Variants in SPNS3 observed in about 807,000 individuals in gnomAD.
SPNS3 encodes SPNS lysolipid transporter 3, sphingosine-1-phosphate (putative), also known as protein spinster homolog 3.
In SPNS3, 51 loss-of-function variants were observed where a neutral mutation model predicts 54.4. The observed-to-expected ratio is 0.94, with a 90% CI of 0.75 to 1.18. The LOEUF (loss-of-function observed/expected upper bound fraction) is 1.18, where lower values mean the gene tolerates loss of function less well. SPNS3 is among the 50% of genes most tolerant of loss of function. The pLI is 0.00. For synonymous variants in SPNS3, 309 were observed against 294.7 expected (o/e 1.05, Z -0.50); for missense variants, 669 against 677.4 (o/e 0.99, Z 0.14).
intron 8 of SPNS3, among the ~76,000 whole-genome samples, chr17:4,477,759 A>C (rs1029401010): frequency 1.3e-5 from 2 of 152,082 alleles, no homozygotes; most frequent in East Asian, 3.9e-4. Context: ...TGGGTGTACC[A>C]GGCCTCGCCC....
rs750540559 is a variant in SPNS3, at chr17:4,448,313, C to G, written c.770+10C>G. ...GATACCTGGGGAAAAAGTGAGTATC[C>G]CTGCTACCCCCTGCAAGGCACAGAA... On this transcript the variant is annotated intron_variant, in intron 6 of 11. Transcript: ENST00000355530. 8 of 1,529,932 alleles carry G rather than the reference C, an allele frequency of 5.2e-6. No homozygotes were observed. Among genetic ancestry groups the G allele is most frequent in the Non-Finnish European group, 7.0e-6 (8 of 1,137,002 alleles). The allele number at this position is 1,529,932 out of a possible 1,614,324, so 94.8% of individuals were successfully genotyped here.
At chr17:4,439,150 C>T (rs1214523552) in intron 1 of SPNS3, among the ~76,000 whole-genome samples, 5 of 150,906 alleles carry the variant, frequency 3.3e-5, no homozygotes, top group East Asian at 3.9e-4. Context: ...TGAGATGGAG[C>T]GTGGCTCTTG....
intron 9 of SPNS3, among the ~76,000 whole-genome samples, chr17:4,480,341 T>G (rs1246419834): frequency 1.3e-5 from 2 of 152,152 alleles, no homozygotes; most frequent in African/African-American, 4.8e-5. Flanking sequence ...CCCGGTAGGG[T>G]GAGCAAGGCG....
In SPNS3 at chr17:4,441,072, C is replaced by T. The variant is rs576035780; in HGVS notation, c.265+1349C>T. 8.5e-5 allele frequency among the ~76,000 whole-genome samples: 13 copies of T among 152,242 alleles called. No homozygotes were observed. The South Asian group carries it at 2.1e-3, about 24-fold the overall frequency. On this transcript the variant is annotated intron_variant, in intron 2 of 11. Transcript: ENST00000355530. ...TTCCCATAAACTGAATAAACTCAACCCTGTAGCTCCAAGAGTTTGGATGAA... is the reference window on the plus strand; with the variant it reads ...TTCCCATAAACTGAATAAACTCAACTCTGTAGCTCCAAGAGTTTGGATGAA...
intron 8 of SPNS3, among the ~76,000 whole-genome samples, chr17:4,471,492 G>T (rs1286329415): frequency 6.6e-6 from 1 of 152,026 alleles, no homozygotes. Flanking sequence ...TTGAGACAGG[G>T]TCTTACTCTG....
At chr17:4,484,040 T>A (rs62064892) in intron 9 of SPNS3, among the ~76,000 whole-genome samples, 12,130 of 152,254 alleles carry the variant, frequency 0.08, 647 homozygotes, top group African/African-American at 0.16. Context: ...TTTCTGAATG[T>A]TCTATTACAA....
chr17:4,449,290 G>A lies in SPNS3; in HGVS notation c.826G>A (p.Ala276Thr), dbSNP rs1452392942. 4 of 1,612,596 alleles carry A rather than the reference G, an allele frequency of 2.5e-6. No individual in the cohort carries two copies. The Admixed American group carries it at 6.7e-5, about 27-fold the overall frequency. Residue 276 changes from alanine to threonine, a missense_variant, in exon 7 of 12, where the codon GCC (alanine) becomes ACC (threonine). Ala to Thr is a moderately conservative substitution (Grantham distance 58, BLOSUM62 0). Transcript: ENST00000355530. ...GACCGCCATGGCCTTTGTGACTGGA[G>A]CCCTGGGGTTCTGGGCCCCCAAGTT... is the stretch of plus-strand genomic sequence containing the variant. The part of the protein sequence containing the change: ...GVTAMAFVTG[A>T]LGFWAPKFLL...
intron 8 of SPNS3, among the ~76,000 whole-genome samples, chr17:4,466,526 C>T (rs1297090378): frequency 6.2e-5 from 6 of 97,492 alleles, no homozygotes; most frequent in Non-Finnish European, 7.7e-5. Context: ...GGTGACAGAA[C>T]GAGACTCTGT....
intron 8 of SPNS3, among the ~76,000 whole-genome samples, chr17:4,457,940 G>A (rs967442136): frequency 1.3e-5 from 2 of 152,140 alleles, no homozygotes; most frequent in Non-Finnish European, 2.9e-5. Context: ...AAGCTGCTGG[G>A]TCTGGCATGG....
intron 6 of SPNS3, among the ~76,000 whole-genome samples, chr17:4,448,968 G>A (rs1317200870): frequency 6.6e-6 from 1 of 152,062 alleles, no homozygotes; most frequent in African/African-American, 2.4e-5. Context: ...GAGTTGGGGG[G>A]GTCTCAGAAA....
At chr17:4,469,482 G>A (rs1971797507) in intron 8 of SPNS3, among the ~76,000 whole-genome samples, 1 of 152,140 alleles carries the variant, frequency 6.6e-6, no homozygotes, top group Non-Finnish European at 1.5e-5. Flanking sequence ...AGCCGAGGGT[G>A]ACGGTGGGTG....
rs1971215946 is a variant in SPNS3, at chr17:4,453,206, G to A, written c.1113+1G>A. The A allele has an allele frequency of 6.8e-6, 11 of 1,611,062 alleles. No homozygotes were observed. The highest frequency in any genetic ancestry group is 9.3e-6 in the Non-Finnish European group (11 of 1,178,762). ...CCCGACCACCCTGCTGGCCTCCTAT[G>A]TAAGTGAGAGCCTCTATGGAGGTGG... On this transcript the variant is annotated splice_donor_variant, in intron 8 of 11. Transcript: ENST00000355530. LOFTEE classifies it high-confidence loss of function.
chr17:4,452,548 G>A (rs926702316), intron 7 of SPNS3, among the ~76,000 whole-genome samples: 7 of 152,098 alleles, frequency 4.6e-5, no homozygotes, highest in Non-Finnish European at 7.4e-5. Flanking sequence ...GCCCAGACAA[G>A]GGCCAGGTGT....
intron 8 of SPNS3, among the ~76,000 whole-genome samples, chr17:4,461,651 C>T (rs1347141587): frequency 6.6e-6 from 1 of 151,992 alleles, no homozygotes; most frequent in Non-Finnish European, 1.5e-5. Flanking sequence ...TTGTGAGAGG[C>T]AGTTGGATTA....
Position 4,468,733 on chromosome 17 carries a change from C to CTTTCTTTCTTTT in SPNS3, c.1114-9828_1114-9827insTTTTCTTTCTTT, listed in dbSNP as rs1376353187. 1.4e-5 allele frequency among the ~76,000 whole-genome samples: 2 copies of CTTTCTTTCTTTT among 139,558 alleles called. 1 individual carries two copies. Among genetic ancestry groups the CTTTCTTTCTTTT allele is most frequent in the Admixed American group, 1.5e-4 (2 of 13,756 alleles). 91.6% of individuals were successfully genotyped at this position (139,558 alleles called of 152,430 possible). On this transcript the variant is annotated intron_variant, in intron 8 of 11. Transcript: ENST00000355530. ...CTCTCTCTCTTTCTTTTCTTTCTTT[C>CTTTCTTTCTTTT]TTTCTTTCTTTCTTTCTTTCTTTCT...
At chr17:4,440,469 G>T (rs1567553019) in intron 2 of SPNS3, among the ~76,000 whole-genome samples, 2 of 152,142 alleles carry the variant, frequency 1.3e-5, no homozygotes, top group Admixed American at 6.6e-5. Flanking sequence ...GATCCCTGGG[G>T]ATACACAGTC....
chr17:4,480,011 T>C (rs561792470), intron 9 of SPNS3, among the ~76,000 whole-genome samples: 6 of 152,244 alleles, frequency 3.9e-5, no homozygotes, highest in Non-Finnish European at 5.9e-5. Flanking sequence ...TTGAAAGGGT[T>C]ATGGGCATGT....
At position 4,475,018 on chromosome 17, in the gene SPNS3, C is replaced by T. The variant is rs137906711; in HGVS notation, c.1114-3554C>T. On this transcript the variant is annotated intron_variant, in intron 8 of 11. Transcript: ENST00000355530. ...GCACTTGTGAGAGGCCTCGGCTGTG[C>T]GTGTGTCTGGGCATGTTGGCGCGGC... Among the ~76,000 whole-genome samples the T allele has an allele frequency of 4.6e-5, 7 of 152,074 alleles. No individual in the cohort carries two copies. The East Asian group carries it at 9.7e-4, about 21-fold the overall frequency.
At chr17:4,468,761 C>CTTTCTTTCTTTCTT (rs767888670) in intron 8 of SPNS3, among the ~76,000 whole-genome samples, 7 of 119,134 alleles carry the variant, frequency 5.9e-5, no homozygotes, top group Non-Finnish European at 1.1e-4. Flanking sequence ...TTCTTTCTTT[C>CTTTCTTTCTTTCTT]TCTCTTTCTT....
Sources: allele counts gnomAD v4.1 joint callset (sites outside exome capture counted in the v4.1 genomes callset), GRCh38; gene constraint gnomAD v4.1.1; transcripts MANE v1.5; gene names NCBI Gene and HGNC (gene_info 2026-07-23, HGNC 2026-07-21).